Variants in LRRTM4 observed in about 807,000 individuals in gnomAD.
The protein encoded by LRRTM4 is leucine rich repeat transmembrane neuronal 4, also known as leucine-rich repeat transmembrane neuronal protein 4.
A neutral mutation model predicts 47.6 loss-of-function variants in LRRTM4; 25 were observed. The observed-to-expected ratio is 0.53, with a 90% CI of 0.38 to 0.73. The LOEUF is 0.73. Among genes scored for constraint, LRRTM4 ranks in the 30% least tolerant of loss-of-function variants. The pLI, the probability that LRRTM4 is intolerant of heterozygous loss-of-function variation, is 0.00. For synonymous variants in LRRTM4, 311 were observed against 269.5 expected (o/e 1.15, Z -1.51); for missense variants, 638 against 713.4 (o/e 0.89, Z 1.20).
chr2:76,874,575 T>C (rs1038195814), intron 3 of LRRTM4, among the ~76,000 whole-genome samples: 1 of 151,824 alleles, frequency 6.6e-6, no homozygotes, highest in East Asian at 1.9e-4. Flanking sequence ...CTGTGTAAAG[T>C]CCTATCACAT....
At chr2:76,793,604 G>GTAAGT (rs58534699) in intron 3 of LRRTM4, among the ~76,000 whole-genome samples, 4 of 151,202 alleles carry the variant, frequency 2.6e-5, no homozygotes, top group African/African-American at 7.3e-5. Context: ...TGTGCTCTCG[G>GTAAGT]TAAGTTAAGT....
chr2:77,469,077 C>G (rs1029254593), intron 3 of LRRTM4, among the ~76,000 whole-genome samples: 1 of 152,170 alleles, frequency 6.6e-6, no homozygotes, highest in Non-Finnish European at 1.5e-5. Flanking sequence ...CTTTAATATC[C>G]AACTTCAGCT....
At chr2:77,063,855 A>G (rs1273240889) in intron 3 of LRRTM4, among the ~76,000 whole-genome samples, 1 of 152,142 alleles carries the variant, frequency 6.6e-6, no homozygotes, top group East Asian at 1.9e-4. Context: ...CCATCAATTG[A>G]GCAGGCTACT....
chr2:77,090,551 A>G (rs1258377277), intron 3 of LRRTM4, among the ~76,000 whole-genome samples: 2 of 152,132 alleles, frequency 1.3e-5, no homozygotes, highest in Admixed American at 6.5e-5. Flanking sequence ...CTCCACTATG[A>G]GACAAACCCC....
intron 3 of LRRTM4, among the ~76,000 whole-genome samples, chr2:77,031,854 A>G (rs1678670756): frequency 6.6e-6 from 1 of 152,104 alleles, no homozygotes; most frequent in Admixed American, 6.6e-5. Context: ...TGCCTACTTG[A>G]CACGTCTTCC....
chr2:76,785,962 A>C (rs1256689181), intron 3 of LRRTM4, among the ~76,000 whole-genome samples: 1 of 152,158 alleles, frequency 6.6e-6, no homozygotes, highest in African/African-American at 2.4e-5. Context: ...AATCAATTGC[A>C]CTTGACGGAC....
chr2:76,785,850 G>T (rs11901875), intron 3 of LRRTM4, among the ~76,000 whole-genome samples: 6 of 151,962 alleles, frequency 3.9e-5, no homozygotes, highest in African/African-American at 7.3e-5. Context: ...AAAAGACAAG[G>T]ATCAGCCAGA....
chr2:77,388,759 CATTA>C (rs774145138), intron 3 of LRRTM4, among the ~76,000 whole-genome samples: 5 of 151,700 alleles, frequency 3.3e-5, no homozygotes, highest in Admixed American at 1.3e-4. Flanking sequence ...TGTTTTATGC[CATTA>C]ATTGTCATTC....
intron 3 of LRRTM4, among the ~76,000 whole-genome samples, chr2:77,488,097 GAGA>G (rs975278549): frequency 6.6e-6 from 1 of 152,198 alleles, no homozygotes; most frequent in African/African-American, 2.4e-5. Flanking sequence ...GGAGGGAAGA[GAGA>G]AGGAGAGAGG....
chr2:77,181,098 A>T (rs1254161729), intron 3 of LRRTM4, among the ~76,000 whole-genome samples: 1 of 152,192 alleles, frequency 6.6e-6, no homozygotes, highest in East Asian at 1.9e-4. Context: ...GTAGAAATTG[A>T]TTCTAGCAAA....
rs184174788 is a variant in LRRTM4, at chr2:76,756,037, C to G, written c.1552-7121G>C. Among the ~76,000 whole-genome samples the G allele has an allele frequency of 2.0e-4, 31 of 152,160 alleles. No individual in the cohort carries two copies. In the East Asian group the frequency reaches 5.8e-3, roughly 28 times the overall value. On this transcript the variant is annotated intron_variant, in intron 3 of 3. Transcript: ENST00000409884. The stretch of plus-strand genomic sequence containing the variant: ...GCAGATGCTTTGTGGCAATAAGATA[C>G]CAAATTATAGGCAAGACCTAAGGCC...
intron 3 of LRRTM4, among the ~76,000 whole-genome samples, chr2:76,815,454 T>C (rs1210355540): frequency 6.6e-6 from 1 of 152,090 alleles, no homozygotes; most frequent in Non-Finnish European, 1.5e-5. Context: ...ATGGCTGATA[T>C]CAGCTGAAAG....
intron 3 of LRRTM4, among the ~76,000 whole-genome samples, chr2:76,794,746 T>G (rs1675175185): frequency 6.6e-6 from 1 of 152,162 alleles, no homozygotes. Context: ...TGTACTGTCT[T>G]GTACTTTTGT....
At chr2:77,177,581 C>T (rs1266449660) in intron 3 of LRRTM4, among the ~76,000 whole-genome samples, 1 of 152,176 alleles carries the variant, frequency 6.6e-6, no homozygotes, top group African/African-American at 2.4e-5. Flanking sequence ...TTTCATTCTT[C>T]AGTCTACCCA....
intron 3 of LRRTM4, among the ~76,000 whole-genome samples, chr2:76,925,243 T>G (rs1674553118): frequency 6.6e-6 from 1 of 152,136 alleles, no homozygotes; most frequent in African/African-American, 2.4e-5. Flanking sequence ...CTACTCTTCA[T>G]GAAGAAGCAA....
chr2:77,064,038 T>C (rs963280175), intron 3 of LRRTM4, among the ~76,000 whole-genome samples: 15 of 152,192 alleles, frequency 9.9e-5, no homozygotes, highest in Non-Finnish European at 1.9e-4. Context: ...AGCTTGACTT[T>C]TAAGGAGCAA....
At chr2:76,855,059 A>G (rs528040262) in intron 3 of LRRTM4, among the ~76,000 whole-genome samples, 119 of 152,308 alleles carry the variant, frequency 7.8e-4, no homozygotes, top group Middle Eastern at 3.4e-3. Context: ...AAATTTTGAA[A>G]GAGAAGAAAT....
At chr2:76,900,929 T>C (rs574757608) in intron 3 of LRRTM4, among the ~76,000 whole-genome samples, 4 of 152,336 alleles carry the variant, frequency 2.6e-5, no homozygotes, top group East Asian at 3.9e-4. Context: ...GACCTAAAAA[T>C]ACGCCAATGC....
At chr2:77,451,872 G>A (rs966301471) in intron 3 of LRRTM4, among the ~76,000 whole-genome samples, 2 of 152,146 alleles carry the variant, frequency 1.3e-5, no homozygotes, top group Non-Finnish European at 2.9e-5. Flanking sequence ...CATGGGCTGG[G>A]CAGAGCCTTT....
Sources: allele counts gnomAD v4.1 joint callset (sites outside exome capture counted in the v4.1 genomes callset), GRCh38; gene constraint gnomAD v4.1.1; transcripts MANE v1.5; gene names NCBI Gene and HGNC (gene_info 2026-07-23, HGNC 2026-07-21).